Variants in ONECUT3 observed in about 807,000 individuals in gnomAD.
The protein encoded by ONECUT3 is one cut domain family member 3.
A neutral mutation model predicts 16.8 loss-of-function variants in ONECUT3; 11 were observed. That is an observed-to-expected ratio of 0.66 (90% CI 0.41 to 1.09). The LOEUF is 1.09. Ranked by LOEUF, ONECUT3 falls within the 50% of genes least tolerant of loss-of-function variation. The probability of loss-of-function intolerance (pLI) is 0.00; values close to 1 mark genes in which losing one functional copy is unlikely to be tolerated. For synonymous variants in ONECUT3, 344 were observed against 310.7 expected, an observed-to-expected ratio of 1.11 and a Z score of -1.13; for missense variants, 637 against 629.9, an observed-to-expected ratio of 1.01 and a Z score of -0.12.
chr19:1,756,664 G>A (rs1019292687), intron 1 of ONECUT3, among the ~76,000 whole-genome samples: 2 of 150,398 alleles, frequency 1.3e-5, no homozygotes, highest in Non-Finnish European at 2.9e-5. Context: ...TGAATAGCTG[G>A]GATTACAGAC....
chr19:1,762,600 G>C lies in ONECUT3; in HGVS notation c.1192+7746G>C, dbSNP rs1199330457. On this transcript the variant is annotated intron_variant, in intron 1 of 1. Transcript: ENST00000382349. The surrounding 1 kb of genome is among the most constrained non-coding windows in gnomAD (Gnocchi z 4.4). ...CCCAGAGCGCGCCCGGCCCCCAACAGCCTGACAGGACCTGGACGCACGTGC... is the reference window on the plus strand; with the variant it reads ...CCCAGAGCGCGCCCGGCCCCCAACACCCTGACAGGACCTGGACGCACGTGC... 6.6e-6 allele frequency among the ~76,000 whole-genome samples: 1 copy of C among 152,054 alleles called. No individual in the cohort carries two copies. The highest frequency in any genetic ancestry group is 1.5e-5 in the Non-Finnish European group (1 of 67,970).
chr19:1,757,135 G>C (rs374342826), intron 1 of ONECUT3, among the ~76,000 whole-genome samples: 60 of 142,340 alleles, frequency 4.2e-4, no homozygotes, highest in African/African-American at 1.6e-3. Context: ...AGTCCCATGG[G>C]GGGGGGGTGG....
In ONECUT3 at chr19:1,771,717, T is replaced by G. The variant is rs531176865; in HGVS notation, c.1193-3436T>G. On this transcript the variant is annotated intron_variant, in intron 1 of 1. Transcript: ENST00000382349. ...TTTTTAGAGCTGGGGTCTCGCTCTGTCATCCAGGCTGGAGTGCAGTATCAT... is the reference window on the plus strand; with the variant it reads ...TTTTTAGAGCTGGGGTCTCGCTCTGGCATCCAGGCTGGAGTGCAGTATCAT... 2.6e-5 allele frequency among the ~76,000 whole-genome samples: 4 copies of G among 152,338 alleles called. 1 individual carries two copies. The South Asian group carries it at 8.3e-4, about 32-fold the overall frequency.
In ONECUT3 at chr19:1,764,726, C is replaced by T. The variant is rs1465555855; in HGVS notation, c.1192+9872C>T. 3.3e-5 allele frequency among the ~76,000 whole-genome samples: 5 copies of T among 151,514 alleles called. No homozygotes were observed. The highest frequency in any genetic ancestry group is 2.1e-4 in the South Asian group (1 of 4,794). On this transcript the variant is annotated intron_variant, in intron 1 of 1. Coordinates refer to ENST00000382349, the MANE Select transcript of ONECUT3 (RefSeq NM_001080488.2). The surrounding 1 kb of genome is among the most constrained non-coding windows in gnomAD (Gnocchi z 5.0). Reference sequence around the variant, plus strand: ...GTAGACAGAGGGTGTAGGTATGTGACCCGGGCCCCCCACAGTAACTGGACA... The same window carrying T: ...GTAGACAGAGGGTGTAGGTATGTGATCCGGGCCCCCCACAGTAACTGGACA...
intron 1 of ONECUT3, among the ~76,000 whole-genome samples, chr19:1,769,505 C>T (rs1268705500): frequency 6.6e-6 from 1 of 152,064 alleles, no homozygotes; most frequent in African/African-American, 2.4e-5. Flanking sequence ...CTCCAAGTCT[C>T]AGTTTTCACT....
intron 1 of ONECUT3, among the ~76,000 whole-genome samples, chr19:1,763,280 C>G (rs575243233): frequency 6.8e-6 from 1 of 147,070 alleles, no homozygotes; most frequent in Admixed American, 7.1e-5. Context: ...AGGAGAATCG[C>G]TTGAACCCAG....
Position 1,767,037 on chromosome 19 carries a change from T to C in ONECUT3, c.1193-8116T>C, listed in dbSNP as rs577709148. Among the ~76,000 whole-genome samples, 7 of 152,072 alleles carry C rather than the reference T, an allele frequency of 4.6e-5. No individual in the cohort carries two copies. The South Asian group carries it at 1.5e-3, about 32-fold the overall frequency. On this transcript the variant is annotated intron_variant, in intron 1 of 1. Coordinates refer to ENST00000382349, the MANE Select transcript of ONECUT3 (RefSeq NM_001080488.2). ...CTTCCTGGGGAGAGGCCATTGCTCCTGGGCGTTGAGGAATGTGTAGGAGTT... is the reference window on the plus strand; with the variant it reads ...CTTCCTGGGGAGAGGCCATTGCTCCCGGGCGTTGAGGAATGTGTAGGAGTT...
chr19:1,768,072 T>A (rs1390859770), intron 1 of ONECUT3, among the ~76,000 whole-genome samples: 1 of 152,076 alleles, frequency 6.6e-6, no homozygotes, highest in Non-Finnish European at 1.5e-5. Context: ...CCCAGGGTCC[T>A]GGAGGAGGTG....
rs1037433733 is a variant in ONECUT3, at chr19:1,780,336, T to A, written c.*4891T>A. 16 of 150,744 alleles carry A rather than the reference T, an allele frequency of 1.1e-4. No homozygotes were observed. Among genetic ancestry groups the A allele is most frequent in the African/African-American group, 3.9e-4 (16 of 41,216 alleles). The allele number at this position is 150,744 out of a possible 1,614,324, so 9.3% of individuals were successfully genotyped here. A position where few individuals can be genotyped will look rare whatever the true frequency, so the allele number is the denominator to read the frequency against. On this transcript the variant is annotated 3_prime_UTR_variant, in exon 2 of 2. Transcript: ENST00000382349. ...CAGAACAGAGGACTCCCCAAAATCA[T>A]CAAAGGGGGCTCTGGGACAATGTCC...
rs751103163 is a variant in ONECUT3 at position 1,778,249 on chromosome 19, C to T, written c.*2804C>T. The T allele has an allele frequency of 6.6e-6, 1 of 151,998 alleles. No homozygotes were observed. Among genetic ancestry groups the T allele is most frequent in the Non-Finnish European group, 1.5e-5 (1 of 68,042 alleles). 9.4% of individuals were successfully genotyped at this position (151,998 alleles called of 1,614,324 possible). On this transcript the variant is annotated 3_prime_UTR_variant, in exon 2 of 2. Transcript: ENST00000382349. ...CAGTAGCTGGGGCCACAAGCACACC[C>T]CACCATGCCCATTTAATTTTTTAAG...
At chr19:1,773,733 TGCAGGA>T (rs2072723578) in intron 1 of ONECUT3, among the ~76,000 whole-genome samples, 1 of 152,198 alleles carries the variant, frequency 6.6e-6, no homozygotes, top group Non-Finnish European at 1.5e-5. Flanking sequence ...CCAGTCTGGA[TGCAGGA>T]GAGAAATTGA....
At chr19:1,769,417 C>T (rs1477292268) in intron 1 of ONECUT3, among the ~76,000 whole-genome samples, 2 of 152,008 alleles carry the variant, frequency 1.3e-5, no homozygotes, top group Non-Finnish European at 2.9e-5. Context: ...GCCCTGGCAG[C>T]ATGAGGCTGG....
rs1418944694 is a variant in ONECUT3 at position 1,759,835 on chromosome 19, A to T, written c.1192+4981A>T. ...GGGGCCACCGTAGGTTTCCACAGGG[A>T]TGCACGGAGTGTGGATAGACCGAGA... On this transcript the variant is annotated intron_variant, in intron 1 of 1. Coordinates refer to ENST00000382349, the MANE Select transcript of ONECUT3 (RefSeq NM_001080488.2). The surrounding 1 kb of genome is among the most constrained non-coding windows in gnomAD (Gnocchi z 4.1). Among the ~76,000 whole-genome samples, 2 of 152,150 alleles carry T rather than the reference A, an allele frequency of 1.3e-5. No individual in the cohort carries two copies. Among genetic ancestry groups the T allele is most frequent in the African/African-American group, 4.8e-5 (2 of 41,434 alleles).
At position 1,772,046 on chromosome 19, in the gene ONECUT3, G is replaced by T. The variant is rs376174945; in HGVS notation, c.1193-3107G>T. ...TTATTTATTTTTGAGACGGAGTCTC[G>T]CTCTGTTGCCCAGGCTGGAGTGAGT... On this transcript the variant is annotated intron_variant, in intron 1 of 1. Transcript: ENST00000382349. 2.0e-4 allele frequency among the ~76,000 whole-genome samples: 30 copies of T among 150,406 alleles called. No homozygotes were observed. In the East Asian group the frequency reaches 4.7e-3, roughly 24 times the overall value.
At position 1,766,991 on chromosome 19, in the gene ONECUT3, C is replaced by T. The variant is rs2067997800; in HGVS notation, c.1193-8162C>T. Among the ~76,000 whole-genome samples the T allele has an allele frequency of 6.6e-6, 1 of 150,838 alleles. No individual in the cohort carries two copies. The highest frequency in any genetic ancestry group is 2.1e-4 in the South Asian group (1 of 4,762). The stretch of plus-strand genomic sequence containing the variant: ...GTCCCAGAGGAGGGGCCCCGGGCTC[C>T]GCTGCGGGGGGAGGGAGGGACTTCC... On this transcript the variant is annotated intron_variant, in intron 1 of 1. Transcript: ENST00000382349. The surrounding 1 kb of genome is among the most constrained non-coding windows in gnomAD (Gnocchi z 4.0).
rs556985447 is a variant in ONECUT3, at chr19:1,761,991, C to T, written c.1192+7137C>T. Among the ~76,000 whole-genome samples, 4 of 152,306 alleles carry T rather than the reference C, an allele frequency of 2.6e-5. No homozygotes were observed. The South Asian group carries it at 6.2e-4, about 24-fold the overall frequency. On this transcript the variant is annotated intron_variant, in intron 1 of 1. Coordinates refer to ENST00000382349, the MANE Select transcript of ONECUT3 (RefSeq NM_001080488.2). Reference sequence around the variant, plus strand: ...GCACAGGCTGCTGGAGAGGCGTGCCCGGGTCACAAGTGTAGACGCACCCGG... The same window carrying T: ...GCACAGGCTGCTGGAGAGGCGTGCCTGGGTCACAAGTGTAGACGCACCCGG...
rs1254809149 is a variant in ONECUT3 at position 1,758,117 on chromosome 19, C to T, written c.1192+3263C>T. Reference sequence around the variant, plus strand: ...GACGGGGACAGGGAGGGAGAAAGACCCGCAGGTGCAGACGGAGAGGGAGGG... The same window carrying T: ...GACGGGGACAGGGAGGGAGAAAGACTCGCAGGTGCAGACGGAGAGGGAGGG... On this transcript the variant is annotated intron_variant, in intron 1 of 1. Transcript: ENST00000382349. The surrounding 1 kb of genome is among the most constrained non-coding windows in gnomAD (Gnocchi z 5.9). Among the ~76,000 whole-genome samples, 1 of 151,768 alleles carries T rather than the reference C, an allele frequency of 6.6e-6. No homozygotes were observed. Among genetic ancestry groups the T allele is most frequent in the African/African-American group, 2.4e-5 (1 of 41,266 alleles).
chr19:1,755,592 C>G lies in ONECUT3; in HGVS notation c.1192+738C>G, dbSNP rs929522737. Among the ~76,000 whole-genome samples the G allele has an allele frequency of 2.6e-5, 4 of 151,908 alleles. No individual in the cohort carries two copies. The highest frequency in any genetic ancestry group is 4.4e-5 in the Non-Finnish European group (3 of 67,924). ...GCGCAGTTTGGTCGTGGCTCGGGTG[C>G]GCGCGCCCCTGCCCGCCTGGCTTTG... On this transcript the variant is annotated intron_variant, in intron 1 of 1. Coordinates refer to ENST00000382349, the MANE Select transcript of ONECUT3 (RefSeq NM_001080488.2). This position sits in a 1 kb window ranked among gnomAD's most constrained non-coding sequence, Gnocchi z 7.5.
rs866614325 is a variant in ONECUT3 at position 1,754,203 on chromosome 19, G to A, written c.541G>A (p.Val181Met). 1.3e-4 allele frequency: 141 copies of A among 1,119,578 alleles called. No homozygotes were observed. In the African/African-American group the frequency reaches 2.3e-3, roughly 18 times the overall value. 69.4% of individuals were successfully genotyped at this position (1,119,578 alleles called of 1,614,324 possible). ...MRDERAALASVGHLYGPYGKE... is the reference protein window; with the variant it reads ...MRDERAALASMGHLYGPYGKE... ...CGACGAGCGGGCGGCGCTCGCCTCC[G>A]TGGGCCACCTCTACGGACCCTACGG... Residue 181 changes from valine to methionine, a missense_variant, in exon 1 of 2, where the codon GTG (valine) becomes ATG (methionine). Transcript: ENST00000382349. The surrounding 1 kb of genome is among the most constrained non-coding windows in gnomAD (Gnocchi z 7.4).
Sources: allele counts gnomAD v4.1 joint callset (sites outside exome capture counted in the v4.1 genomes callset), GRCh38; gene constraint gnomAD v4.1.1; non-coding constraint Gnocchi (gnomAD v3.1); transcripts MANE v1.5; gene names NCBI Gene and HGNC (gene_info 2026-07-23, HGNC 2026-07-21).